THSD7B: variants seen among roughly 807,000 people sequenced by gnomAD.
THSD7B encodes thrombospondin type-1 domain-containing protein 7B.
THSD7B carries 138 observed loss-of-function variants against 213.6 expected under a neutral mutation model. The ratio of observed to expected loss-of-function variants is 0.65; its 90% confidence interval spans 0.56 to 0.74. The LOEUF (loss-of-function observed/expected upper bound fraction) is 0.74, where lower values mean the gene tolerates loss of function less well. THSD7B is among the 30% of genes least tolerant of loss of function. The pLI, the probability that THSD7B is intolerant of heterozygous loss-of-function variation, is 0.00. For synonymous variants in THSD7B, 742 were observed against 687.0 expected (o/e 1.08, Z -1.25); for missense variants, 1,931 against 1,991.5 (o/e 0.97, Z 0.58).
At chr2:136,842,614 G>T (rs751753171) in intron 1 of THSD7B, among the ~76,000 whole-genome samples, 8 of 152,132 alleles carry the variant, frequency 5.3e-5, no homozygotes, top group Non-Finnish European at 1.0e-4. Flanking sequence ...TGGAAGTAAA[G>T]CACAAGGTAA....
intron 15 of THSD7B, among the ~76,000 whole-genome samples, chr2:137,543,373 C>A (rs1177515401): frequency 1.3e-5 from 2 of 151,790 alleles, no homozygotes; most frequent in Non-Finnish European, 2.9e-5. Context: ...CAAGGCAATG[C>A]AATGAAGAAA....
chr2:137,124,350 G>A (rs1688596612), intron 5 of THSD7B, among the ~76,000 whole-genome samples: 1 of 152,190 alleles, frequency 6.6e-6, no homozygotes, highest in Non-Finnish European at 1.5e-5. Context: ...TATAGAAGAA[G>A]TATCCACTTA....
chr2:137,115,921 T>C (rs567912867), intron 5 of THSD7B, among the ~76,000 whole-genome samples: 10 of 152,156 alleles, frequency 6.6e-5, no homozygotes, highest in African/African-American at 2.4e-4. Context: ...AAGTCATGAG[T>C]AGACAAGGAA....
At chr2:137,503,353 C>T (rs1679754379) in intron 15 of THSD7B, among the ~76,000 whole-genome samples, 1 of 152,118 alleles carries the variant, frequency 6.6e-6, no homozygotes, top group African/African-American at 2.4e-5. Flanking sequence ...TTCTAGTTGC[C>T]GCCACTGTTG....
At chr2:137,499,149 A>G (rs1679644365) in intron 15 of THSD7B, among the ~76,000 whole-genome samples, 2 of 152,172 alleles carry the variant, frequency 1.3e-5, no homozygotes, top group Non-Finnish European at 2.9e-5. Context: ...CTGTAAGTAG[A>G]TGAGGCAAGA....
intron 2 of THSD7B, among the ~76,000 whole-genome samples, chr2:136,958,431 A>G (rs1685162148): frequency 6.6e-6 from 1 of 152,182 alleles, no homozygotes; most frequent in Non-Finnish European, 1.5e-5. Flanking sequence ...TCAGATGTAG[A>G]CTAGTTTAAT....
chr2:137,363,274 A>G (rs1169671059), intron 12 of THSD7B, among the ~76,000 whole-genome samples: 1 of 152,224 alleles, frequency 6.6e-6, no homozygotes, highest in Non-Finnish European at 1.5e-5. Flanking sequence ...AATGCCCACA[A>G]GAGAAAGCAG....
chr2:137,083,899 G>C (rs1312692554), intron 3 of THSD7B, among the ~76,000 whole-genome samples: 1 of 152,066 alleles, frequency 6.6e-6, no homozygotes, highest in Non-Finnish European at 1.5e-5. Flanking sequence ...GTATGATTAA[G>C]AGTTTCTAAA....
In THSD7B at chr2:137,542,593, T is replaced by C. The variant is rs1235463741; in HGVS notation, c.3139-20628T>C. Among the ~76,000 whole-genome samples the C allele has an allele frequency of 2.6e-5, 4 of 151,732 alleles. No individual in the cohort carries two copies. The East Asian group carries it at 7.8e-4, about 30-fold the overall frequency. ...TACCTAGCAATAACACAATATACAT[T>C]CTTCTCCACTGCACATGGAGCATTC... is the stretch of plus-strand genomic sequence containing the variant. On this transcript the variant is annotated intron_variant, in intron 15 of 27. Coordinates refer to ENST00000409968, the MANE Select transcript of THSD7B (RefSeq NM_001316349.2).
chr2:137,590,567 G>GACA (rs1681841474), intron 17 of THSD7B, among the ~76,000 whole-genome samples: 1 of 151,982 alleles, frequency 6.6e-6, no homozygotes, highest in Admixed American at 6.6e-5. Context: ...TATTTTGAAA[G>GACA]TCTTTTATAT....
chr2:137,497,597 A>ATATG (rs923847004), intron 15 of THSD7B, among the ~76,000 whole-genome samples: 1 of 150,620 alleles, frequency 6.6e-6, no homozygotes, highest in Non-Finnish European at 1.5e-5. Context: ...CTGTATATAT[A>ATATG]TATGTATGTG....
At chr2:136,823,947 G>A (rs1255726323) in intron 1 of THSD7B, among the ~76,000 whole-genome samples, 7 of 152,126 alleles carry the variant, frequency 4.6e-5, no homozygotes, top group Admixed American at 4.6e-4. Flanking sequence ...GATCATAATT[G>A]ATGAAAATAA....
At chr2:137,085,984 C>A (rs1402566855) in intron 3 of THSD7B, among the ~76,000 whole-genome samples, 1 of 152,132 alleles carries the variant, frequency 6.6e-6, no homozygotes, top group African/African-American at 2.4e-5. Context: ...CTGTTGTCAA[C>A]ATCTATGTAC....
intron 20 of THSD7B, among the ~76,000 whole-genome samples, chr2:137,634,502 A>G (rs1682797747): frequency 6.6e-6 from 1 of 152,054 alleles, no homozygotes. Flanking sequence ...CAATCTCTCT[A>G]TTATTCTTAT....
intron 12 of THSD7B, among the ~76,000 whole-genome samples, chr2:137,382,214 C>T (rs1257512397): frequency 6.6e-6 from 1 of 152,190 alleles, no homozygotes; most frequent in African/African-American, 2.4e-5. Context: ...TGCTATATGC[C>T]TAGCCCCACT....
At chr2:137,612,291 G>A (rs1682303605) in intron 17 of THSD7B, among the ~76,000 whole-genome samples, 1 of 152,092 alleles carries the variant, frequency 6.6e-6, no homozygotes, top group African/African-American at 2.4e-5. Flanking sequence ...CTGTGGAAAG[G>A]GTAATCTGAA....
intron 1 of THSD7B, among the ~76,000 whole-genome samples, chr2:136,856,349 CTTGT>C (rs1231891484): frequency 1.3e-5 from 2 of 152,128 alleles, no homozygotes; most frequent in Non-Finnish European, 2.9e-5. Flanking sequence ...GAGGCCAGTG[CTTGT>C]TTGTTATGTT....
In THSD7B at chr2:136,908,946, C is replaced by T. The variant is rs1261975430; in HGVS notation, c.139+26629C>T. ...CTGTAATCCCAGCATTTTGGGAGGC[C>T]GAGGTGGGAGAATCACTTGAGGTCA... On this transcript the variant is annotated intron_variant, in intron 2 of 27. Coordinates refer to ENST00000409968, the MANE Select transcript of THSD7B (RefSeq NM_001316349.2). 3.3e-5 allele frequency among the ~76,000 whole-genome samples: 5 copies of T among 151,970 alleles called. No individual in the cohort carries two copies. The East Asian group carries it at 5.8e-4, about 18-fold the overall frequency.
chr2:137,330,998 C>T (rs1434371032), intron 12 of THSD7B, among the ~76,000 whole-genome samples: 3 of 152,166 alleles, frequency 2.0e-5, no homozygotes, highest in Non-Finnish European at 4.4e-5. Flanking sequence ...AAAGGTTCTC[C>T]AAGACCCCAC....
Sources: allele counts gnomAD v4.1 joint callset (sites outside exome capture counted in the v4.1 genomes callset), GRCh38; gene constraint gnomAD v4.1.1; transcripts MANE v1.5; gene names NCBI Gene and HGNC (gene_info 2026-07-23, HGNC 2026-07-21).